Variants in AKAP13 observed in about 807,000 individuals in gnomAD.
AKAP13 encodes the protein A-kinase anchor protein 13.
Under a neutral mutation model 264.5 loss-of-function variants are expected in AKAP13, and 80 were observed. That is an observed-to-expected ratio of 0.30 (90% CI 0.25 to 0.36). The LOEUF is 0.36. Ranked by LOEUF, AKAP13 falls within the 10% of genes least tolerant of loss-of-function variation. The pLI, the probability that AKAP13 is intolerant of heterozygous loss-of-function variation, is 1.00. For synonymous variants in AKAP13, 1,380 were observed against 1,250.2 expected (o/e 1.10, Z -2.19); for missense variants, 3,712 against 3,435.2 (o/e 1.08, Z -2.01).
intron 1 of AKAP13, among the ~76,000 whole-genome samples, chr15:85,397,331 G>C (rs555128067): frequency 6.6e-6 from 1 of 152,184 alleles, no homozygotes; most frequent in African/African-American, 2.4e-5. Flanking sequence ...TATTTTGGCT[G>C]CTTTGCCAAA....
intron 17 of AKAP13, among the ~76,000 whole-genome samples, chr15:85,703,167 A>G (rs1000100916): frequency 6.6e-6 from 1 of 152,226 alleles, no homozygotes; most frequent in Non-Finnish European, 1.5e-5. Flanking sequence ...TTCTGATTTC[A>G]TCAGAAAAGT....
At chr15:85,439,114 A>T (rs2073486645) in intron 1 of AKAP13, among the ~76,000 whole-genome samples, 1 of 152,040 alleles carries the variant, frequency 6.6e-6, no homozygotes, top group Non-Finnish European at 1.5e-5. Context: ...ACTCAAACAA[A>T]TTTACAAGAA....
At chr15:85,535,884 C>T (rs35343117) in intron 4 of AKAP13, 1 of 151,330 alleles carries the variant, frequency 6.6e-6, no homozygotes, top group Non-Finnish European at 1.5e-5. Context: ...ACTGCAACCT[C>T]CATCTCCTGG....
At position 85,744,683 on chromosome 15, in the gene AKAP13, T is replaced by G; in HGVS notation, c.*6T>G. 6.2e-7 allele frequency: 1 copy of G among 1,601,360 alleles called. No individual in the cohort carries two copies. The highest frequency in any genetic ancestry group is 8.5e-7 in the Non-Finnish European group (1 of 1,174,230). On this transcript the variant is annotated 3_prime_UTR_variant, in exon 37 of 37. Transcript: ENST00000394518. ...GTGAAGAGATCTTCTGCTGACCCTC[T>G]TCCTCTCTGCTGAGGCAGCTGCCTC...
chr15:85,714,566 G>C lies in AKAP13; in HGVS notation c.5600-1222G>C, dbSNP rs146080931. ...TTGGGTTCCACCCCTAGAAGACAAG[G>C]GGGGCTGAGATTCCATATCTAACAG... On this transcript the variant is annotated intron_variant, in intron 19 of 36. Coordinates refer to ENST00000394518, the MANE Select transcript of AKAP13 (RefSeq NM_007200.5). Among the ~76,000 whole-genome samples the C allele has an allele frequency of 1.9e-3, 283 of 152,350 alleles. 1 individual carries two copies. Among genetic ancestry groups the C allele is most frequent in the African/African-American group, 6.5e-3 (269 of 41,590 alleles).
chr15:85,477,865 GCCTCT>G, intron 1 of AKAP13, among the ~76,000 whole-genome samples: 1 of 152,222 alleles, frequency 6.6e-6, no homozygotes, highest in Admixed American at 6.5e-5. Context: ...TGACCTGGAT[GCCTCT>G]TGTGACTCCT....
rs2071316706 is a variant in AKAP13 at position 85,399,534 on chromosome 15, AAAAAT to A, written c.-12+18740_-12+18744del. Among the ~76,000 whole-genome samples the A allele has an allele frequency of 1.6e-3, 143 of 88,078 alleles. 4 individuals are homozygous for A. The highest frequency in any genetic ancestry group is 2.0e-3 in the African/African-American group (54 of 26,482). The allele number at this position is 88,078 out of a possible 152,430, so 57.8% of individuals were successfully genotyped here. A position where few individuals can be genotyped will look rare whatever the true frequency, so the allele number is the denominator to read the frequency against. ...AAAAAAAAAAAAAATAAAAAAATAA[AAAAAT>A]AAATAAATAAATAAATAAAGTTTTA... On this transcript the variant is annotated intron_variant, in intron 1 of 36. Coordinates refer to ENST00000394518, the MANE Select transcript of AKAP13 (RefSeq NM_007200.5).
chr15:85,578,397 G>T (rs771973184), intron 6 of AKAP13, among the ~76,000 whole-genome samples: 1 of 152,056 alleles, frequency 6.6e-6, no homozygotes, highest in Non-Finnish European at 1.5e-5. Flanking sequence ...GCCCAGGCTG[G>T]AGTGCAGTGG....
At chr15:85,457,404 GC>G (rs1453971229) in intron 1 of AKAP13, among the ~76,000 whole-genome samples, 1 of 152,198 alleles carries the variant, frequency 6.6e-6, no homozygotes, top group South Asian at 2.1e-4. Flanking sequence ...GGTGAAGGAA[GC>G]CATGGAGATT....
intron 13 of AKAP13, among the ~76,000 whole-genome samples, chr15:85,665,400 T>A (rs2083537031): frequency 6.6e-6 from 1 of 152,188 alleles, no homozygotes; most frequent in African/African-American, 2.4e-5. Context: ...ATTTTCCCAA[T>A]TCTCTAAAAC....
At chr15:85,720,756 C>T (rs1484903492) in intron 23 of AKAP13, among the ~76,000 whole-genome samples, 1 of 152,202 alleles carries the variant, frequency 6.6e-6, no homozygotes, top group Non-Finnish European at 1.5e-5. Context: ...TTCTTGAGCC[C>T]ATACCCCTCA....
chr15:85,579,448 C>G lies in AKAP13; in HGVS notation c.1380C>G (p.Ser460=), dbSNP rs1194885990. The G allele has an allele frequency of 6.2e-7, 1 of 1,614,206 alleles. No homozygotes were observed. Among genetic ancestry groups the G allele is most frequent in the South Asian group, 1.1e-5 (1 of 91,078 alleles). Residue 460 remains serine (S), a synonymous_variant, in exon 7 of 37, where the codon TCC becomes TCG. Transcript: ENST00000394518. The stretch of plus-strand genomic sequence containing the variant: ...TGGAGCCAGGCACAGCCCAGTATTC[C>G]TCTGGAGGTGAACTGGGAGGCATTT... ...LVMEPGTAQY[S]SGGELGGIST...
intron 16 of AKAP13, among the ~76,000 whole-genome samples, chr15:85,689,419 G>GT (rs1239151188): frequency 6.6e-6 from 1 of 152,172 alleles, no homozygotes; most frequent in Non-Finnish European, 1.5e-5. Flanking sequence ...GTAATTACAT[G>GT]TATAAAGGGG....
At chr15:85,453,024 C>T (rs915469562) in intron 1 of AKAP13, among the ~76,000 whole-genome samples, 7 of 152,082 alleles carry the variant, frequency 4.6e-5, no homozygotes, top group Non-Finnish European at 1.0e-4. Flanking sequence ...TGCTGCGGGC[C>T]CAAGCCAGGG....
chr15:85,690,094 A>G (rs2085194836), intron 16 of AKAP13: 1 of 152,262 alleles, frequency 6.6e-6, no homozygotes. Context: ...ATAGGACCAA[A>G]GCATGGGGAG....
chr15:85,474,703 C>G (rs2075090800), intron 1 of AKAP13, among the ~76,000 whole-genome samples: 1 of 152,128 alleles, frequency 6.6e-6, no homozygotes, highest in African/African-American at 2.4e-5. Flanking sequence ...TAAAACTTTT[C>G]CTTCCAATTT....
At chr15:85,670,027 T>C (rs1349017055) in intron 14 of AKAP13, among the ~76,000 whole-genome samples, 197 bp downstream of exon 14, 1 of 152,200 alleles carries the variant, frequency 6.6e-6, no homozygotes, top group Non-Finnish European at 1.5e-5. Flanking sequence ...CCTAAAAATA[T>C]CCCTAATACA....
intron 5 of AKAP13, among the ~76,000 whole-genome samples, chr15:85,565,193 G>T (rs1317947815): frequency 6.6e-6 from 1 of 151,844 alleles, no homozygotes; most frequent in African/African-American, 2.4e-5. Flanking sequence ...CACAATTGGT[G>T]GTAAAGTACC....
At position 85,581,989 on chromosome 15, in the gene AKAP13, G is replaced by C; in HGVS notation, c.3921G>C (p.Glu1307Asp). 2 of 1,614,194 alleles carry C rather than the reference G, an allele frequency of 1.2e-6. No homozygotes were observed. Among genetic ancestry groups the C allele is most frequent in the Non-Finnish European group, 1.7e-6 (2 of 1,180,022 alleles). ...AAGTGAGTACTTTCCCACCTGGGGA[G>C]AGCCTACCAATGGGCAGTACTCCTG... Reference protein sequence around the residue: ...TEKVSTFPPGESLPMGSTPEE... With the variant: ...TEKVSTFPPGDSLPMGSTPEE... Residue 1307 changes from glutamate to aspartate, a missense_variant, in exon 7 of 37, where the codon GAG becomes GAC. By Grantham distance (45) the Glu-to-Asp change is conservative. This residue lies in a region of AKAP13 where 2,759 missense variants were observed against 2,411.7 expected (regional missense o/e 1.14). Transcript: ENST00000394518.
Sources: allele counts gnomAD v4.1 joint callset (sites outside exome capture counted in the v4.1 genomes callset), GRCh38; gene constraint gnomAD v4.1.1; regional missense constraint gnomAD v4.1.1; transcripts MANE v1.5; gene names NCBI Gene and HGNC (gene_info 2026-07-23, HGNC 2026-07-21).